Variants in TPTE2 observed in about 807,000 individuals in gnomAD.
The protein encoded by TPTE2 is phosphatidylinositol 3,4,5-trisphosphate 3-phosphatase TPTE2.
In TPTE2, 53 loss-of-function variants were observed where a neutral mutation model predicts 78.6. That is an observed-to-expected ratio of 0.67 (90% CI 0.54 to 0.85). The LOEUF (loss-of-function observed/expected upper bound fraction) is 0.85, where lower values mean the gene tolerates loss of function less well. TPTE2 is among the 40% of genes least tolerant of loss of function. TPTE2 has a pLI of 0.00. For synonymous variants in TPTE2, 175 were observed against 206.2 expected (o/e 0.85, Z 1.30); for missense variants, 461 against 623.0 (o/e 0.74, Z 2.77).
At chr13:19,453,772 A>G (rs1232971437) in intron 10 of TPTE2, among the ~76,000 whole-genome samples, 2 of 152,154 alleles carry the variant, frequency 1.3e-5, no homozygotes, top group Non-Finnish European at 2.9e-5. Context: ...AGTGCATTCA[A>G]TTCTACCAAG....
chr13:19,507,314 A>AAAC (rs1555255243), upstream of TPTE2, among the ~76,000 whole-genome samples: 2 of 151,450 alleles, frequency 1.3e-5, no homozygotes, highest in African/African-American at 2.4e-5. Flanking sequence ...TAAAAAAAAA[A>AAAC]AAAAAAAAAA....
intron 1 of TPTE2, among the ~76,000 whole-genome samples, chr13:19,515,225 A>G (rs978310623): frequency 6.6e-6 from 1 of 152,208 alleles, no homozygotes; most frequent in African/African-American, 2.4e-5. Context: ...AGTTTAAGAA[A>G]CTGATCACAT....
the TPTE2 span, chr13:19,560,744 GC>G: frequency 6.8e-7 from 1 of 1,470,340 alleles, no homozygotes. Flanking sequence ...ACTGCCAGGG[GC>G]CCAGCAGGGA....
intron 17 of TPTE2, among the ~76,000 whole-genome samples, chr13:19,428,470 G>T (rs1876310982): frequency 6.6e-6 from 1 of 151,698 alleles, no homozygotes; most frequent in Admixed American, 6.6e-5. Flanking sequence ...AAAAGAAAAA[G>T]AAAAAACTTG....
intron 13 of TPTE2, among the ~76,000 whole-genome samples, chr13:19,443,154 TAATAA>T (rs1403515141): frequency 6.6e-6 from 1 of 151,958 alleles, no homozygotes; most frequent in Non-Finnish European, 1.5e-5. Flanking sequence ...GGCAATATAA[TAATAA>T]AATAATTTAA....
intron 13 of TPTE2, among the ~76,000 whole-genome samples, chr13:19,449,528 A>G (rs1386244386): frequency 6.6e-6 from 1 of 152,208 alleles, no homozygotes; most frequent in Non-Finnish European, 1.5e-5. Context: ...GACCACAGTT[A>G]ATAATAATGT....
intron 4 of TPTE2, among the ~76,000 whole-genome samples, chr13:19,478,022 A>G (rs141479331): frequency 0.025 from 3,771 of 152,326 alleles, 117 homozygotes; most frequent in African/African-American, 0.072. Context: ...CACAGAAATA[A>G]GGAAGATGAC....
intron 10 of TPTE2, among the ~76,000 whole-genome samples, chr13:19,451,839 GTGTGTA>G (rs923228953): frequency 7.9e-5 from 9 of 114,624 alleles, no homozygotes; most frequent in African/African-American, 2.6e-4. Context: ...GTGTGTGTGT[GTGTGTA>G]TATATGTATA....
intron 2 of TPTE2, 23 bp from the exon 6 acceptor site, chr13:19,492,926 A>T: frequency 6.2e-7 from 1 of 1,613,938 alleles, no homozygotes; most frequent in Non-Finnish European, 8.5e-7. Context: ...AAAAGAATAC[A>T]GTCAGATAGG....
At chr13:19,504,328 C>G (rs950107889), upstream of TPTE2, among the ~76,000 whole-genome samples, 1 of 151,970 alleles carries the variant, frequency 6.6e-6, no homozygotes, top group Non-Finnish European at 1.5e-5. Context: ...CACTAAAATC[C>G]CTTCATCAGT....
chr13:19,461,647 C>A (rs1878904426), intron 10 of TPTE2, among the ~76,000 whole-genome samples: 1 of 152,036 alleles, frequency 6.6e-6, no homozygotes, highest in African/African-American at 2.4e-5. Context: ...TCCCTTTTGA[C>A]CTAAAAATAT....
At chr13:19,537,022 A>G (rs545144135), upstream of TPTE2, among the ~76,000 whole-genome samples, 13 of 151,888 alleles carry the variant, frequency 8.6e-5, no homozygotes, top group South Asian at 2.3e-3. Flanking sequence ...TGCCACCAAC[A>G]GTGTGAAAGT....
At chr13:19,541,029 T>C (rs531216172), upstream of TPTE2, among the ~76,000 whole-genome samples, 2 of 152,218 alleles carry the variant, frequency 1.3e-5, no homozygotes, top group Non-Finnish European at 2.9e-5. Context: ...CAGACTGTGG[T>C]CCTTTTTAAA....
At chr13:19,521,959 C>T (rs1475585706) in intron 1 of TPTE2, among the ~76,000 whole-genome samples, 1 of 152,052 alleles carries the variant, frequency 6.6e-6, no homozygotes, top group Non-Finnish European at 1.5e-5. Context: ...AGTATTCTTT[C>T]CTTTCAGTCT....
chr13:19,551,012 T>G, the TPTE2 span, among the ~76,000 whole-genome samples: 1 of 152,138 alleles, frequency 6.6e-6, no homozygotes, highest in Non-Finnish European at 1.5e-5. Flanking sequence ...ACATCCAAGT[T>G]TCTTCAAATA....
upstream of TPTE2, among the ~76,000 whole-genome samples, chr13:19,537,496 G>T (rs1871276715): frequency 6.6e-6 from 1 of 151,700 alleles, no homozygotes; most frequent in African/African-American, 2.4e-5. Context: ...GCCTCCCAAA[G>T]TGCTGGGATT....
chr13:19,546,149 G>T, the TPTE2 span, among the ~76,000 whole-genome samples: 1 of 152,062 alleles, frequency 6.6e-6, no homozygotes, highest in African/African-American at 2.4e-5. Flanking sequence ...AGTAAGCTGT[G>T]ATTACACCAC....
At chr13:19,444,750 AAAG>A (rs1337147878) in intron 13 of TPTE2, among the ~76,000 whole-genome samples, 11 of 152,232 alleles carry the variant, frequency 7.2e-5, no homozygotes, top group Admixed American at 3.3e-4. Flanking sequence ...CAATTGTGAG[AAAG>A]AAGAAGATGA....
At chr13:19,469,028 T>G (rs541255057) in intron 6 of TPTE2, among the ~76,000 whole-genome samples, 1 of 152,318 alleles carries the variant, frequency 6.6e-6, no homozygotes, top group African/African-American at 2.4e-5. Flanking sequence ...TAACTTGATG[T>G]GATCCCATTT....
Sources: allele counts gnomAD v4.1 joint callset (sites outside exome capture counted in the v4.1 genomes callset), GRCh38; gene constraint gnomAD v4.1.1; transcripts MANE v1.5; gene names NCBI Gene and HGNC (gene_info 2026-07-23, HGNC 2026-07-21).